Variants in OXSR1 observed in about 807,000 individuals in gnomAD.
The protein encoded by OXSR1 is serine/threonine-protein kinase OSR1.
In OXSR1, 24 loss-of-function variants were observed where a neutral mutation model predicts 79.8. The ratio of observed to expected loss-of-function variants is 0.30; its 90% CI spans 0.22 to 0.42. OXSR1 has a LOEUF of 0.42. Ranked by LOEUF, OXSR1 falls within the 10% of genes least tolerant of loss-of-function variation. The probability of loss-of-function intolerance (pLI) is 1.00; values close to 1 mark genes in which losing one functional copy is unlikely to be tolerated. For synonymous variants in OXSR1, 226 were observed against 209.2 expected (o/e 1.08, Z -0.69); for missense variants, 430 against 618.4 (o/e 0.70, Z 3.23).
intron 15 of OXSR1, 198 bp downstream of exon 15, chr3:38,250,216 A>G (rs1703227761): frequency 9.2e-6 from 5 of 544,680 alleles, no homozygotes; most frequent in South Asian, 8.8e-5. Flanking sequence ...GTATAATAAT[A>G]CAAACAGTAA....
intron 8 of OXSR1, among the ~76,000 whole-genome samples, chr3:38,227,089 T>C (rs564929410): frequency 6.1e-4 from 93 of 152,214 alleles, no homozygotes; most frequent in Non-Finnish European, 1.0e-3. Flanking sequence ...AGAAAATCTA[T>C]TCCAGTTTGT....
chr3:38,195,842 A>G (rs527432663), intron 3 of OXSR1, among the ~76,000 whole-genome samples: 1 of 152,262 alleles, frequency 6.6e-6, no homozygotes, highest in Admixed American at 6.5e-5. Context: ...CTGACAGGGG[A>G]TTATTTTTTG....
chr3:38,240,899 C>T (rs887696339), intron 11 of OXSR1, among the ~76,000 whole-genome samples: 7 of 152,064 alleles, frequency 4.6e-5, no homozygotes, highest in African/African-American at 1.7e-4. Context: ...TTCTTCATTG[C>T]GGTAGGCTAC....
In OXSR1 at chr3:38,227,860, G is replaced by A. The variant is rs543736905; in HGVS notation, c.837-1827G>A. Among the ~76,000 whole-genome samples, 4 of 152,270 alleles carry A rather than the reference G, an allele frequency of 2.6e-5. No homozygotes were observed. In the East Asian group the frequency reaches 7.7e-4, roughly 29 times the overall value. ...CTACTGAGGATTAGCAGGTAGACTT[G>A]ACAGCTACTTCCCCAATAACACAAC... On this transcript the variant is annotated intron_variant, in intron 8 of 17. Transcript: ENST00000311806.
intron 2 of OXSR1, among the ~76,000 whole-genome samples, 170 bp downstream of exon 2, chr3:38,183,285 A>C (rs1010689991): frequency 1.3e-5 from 2 of 152,238 alleles, no homozygotes; most frequent in African/African-American, 4.8e-5. Context: ...GTAGAAAAAA[A>C]TTAGTTATAA....
At chr3:38,217,673 G>A (rs996709816) in intron 5 of OXSR1, among the ~76,000 whole-genome samples, 20 of 151,960 alleles carry the variant, frequency 1.3e-4, no homozygotes, top group African/African-American at 4.6e-4. Flanking sequence ...GATTACAGGC[G>A]TGCACCCCTC....
intron 4 of OXSR1, among the ~76,000 whole-genome samples, chr3:38,205,529 A>C (rs1266441938): frequency 1.3e-5 from 2 of 152,126 alleles, no homozygotes; most frequent in Admixed American, 1.3e-4. Context: ...CTTTGTCTCC[A>C]CTGTGTACCT....
At chr3:38,191,729 A>G (rs1000259975) in intron 3 of OXSR1, among the ~76,000 whole-genome samples, 8 of 146,460 alleles carry the variant, frequency 5.5e-5, no homozygotes, top group Non-Finnish European at 9.0e-5. Context: ...AAAAGGTAAC[A>G]TTTCCCCCTT....
intron 4 of OXSR1, among the ~76,000 whole-genome samples, chr3:38,208,959 A>AGTGTGTGTGTGTGT (rs144109114): frequency 6.8e-6 from 1 of 146,876 alleles, no homozygotes; most frequent in African/African-American, 2.6e-5. Flanking sequence ...CCAGTTAAGG[A>AGTGTGTGTGTGTGT]GTGTGTGTGT....
intron 4 of OXSR1, among the ~76,000 whole-genome samples, chr3:38,199,163 A>G (rs938117408): frequency 2.6e-5 from 4 of 152,176 alleles, no homozygotes; most frequent in Admixed American, 6.5e-5. Flanking sequence ...ACAATACTGT[A>G]TATGTAATTT....
chr3:38,212,118 A>G (rs1430514515), intron 4 of OXSR1, among the ~76,000 whole-genome samples: 25 of 151,798 alleles, frequency 1.6e-4, no homozygotes, highest in Non-Finnish European at 1.5e-5. Context: ...GGGACTTTTA[A>G]AAGTTCCCTG....
At chr3:38,237,636 C>T (rs1050788499) in intron 11 of OXSR1, among the ~76,000 whole-genome samples, 2 of 152,154 alleles carry the variant, frequency 1.3e-5, no homozygotes, top group African/African-American at 4.8e-5. Flanking sequence ...ACTTAAGACT[C>T]TCTTGATAAA....
intron 4 of OXSR1, among the ~76,000 whole-genome samples, chr3:38,214,551 G>A (rs1014164099): frequency 6.6e-5 from 10 of 152,148 alleles, no homozygotes; most frequent in Admixed American, 3.9e-4. Flanking sequence ...GAAGTTAGTG[G>A]TTGACTCAGT....
chr3:38,199,101 A>G (rs758531890), intron 4 of OXSR1, among the ~76,000 whole-genome samples: 3 of 152,238 alleles, frequency 2.0e-5, no homozygotes, highest in African/African-American at 4.8e-5. Context: ...ACTTGATAAC[A>G]TTTTGGAATA....
At chr3:38,223,000 T>G (rs554656345) in intron 6 of OXSR1, among the ~76,000 whole-genome samples, 2 of 152,360 alleles carry the variant, frequency 1.3e-5, no homozygotes, top group East Asian at 3.9e-4. Flanking sequence ...AACAGTTTCT[T>G]CACTGTTGGT....
rs1209897878 is a variant in OXSR1, at chr3:38,165,548, G to A, written c.-329G>A. Reference sequence around the variant, plus strand: ...AGAGGGGAAAGTTTGGCCCGTGCGTGGGGCTGGGGTGGAGGGCGGGACAGA... The same window carrying A: ...AGAGGGGAAAGTTTGGCCCGTGCGTAGGGCTGGGGTGGAGGGCGGGACAGA... On this transcript the variant is annotated 5_prime_UTR_variant, in exon 1 of 18. Transcript: ENST00000311806. 5 of 331,936 alleles carry A rather than the reference G, an allele frequency of 1.5e-5. 1 individual carries two copies. Among genetic ancestry groups the A allele is most frequent in the South Asian group, 1.0e-4 (2 of 20,004 alleles). The allele number at this position is 331,936 out of a possible 1,614,324, so 20.6% of individuals were successfully genotyped here. A position where few individuals can be genotyped will look rare whatever the true frequency, so the allele number is the denominator to read the frequency against.
At chr3:38,234,345 C>CAT (rs1273403802) in intron 10 of OXSR1, among the ~76,000 whole-genome samples, 1 of 152,000 alleles carries the variant, frequency 6.6e-6, no homozygotes, top group Non-Finnish European at 1.5e-5. Flanking sequence ...ATTTGCAAAT[C>CAT]ATATATATGA....
intron 1 of OXSR1, among the ~76,000 whole-genome samples, chr3:38,178,610 A>G (rs759765761): frequency 1.0e-3 from 81 of 80,574 alleles, no homozygotes; most frequent in Non-Finnish European, 9.8e-4. Context: ...AGCTATATAT[A>G]TATATATATA....
chr3:38,177,246 G>A (rs1031432755), intron 1 of OXSR1, among the ~76,000 whole-genome samples: 4 of 152,224 alleles, frequency 2.6e-5, no homozygotes, highest in Admixed American at 6.5e-5. Flanking sequence ...GAGTCAGCCA[G>A]TGGCCTCTCA....
Sources: gnomAD v4.1 joint callset for allele counts (sites outside exome capture counted in the v4.1 genomes callset) on GRCh38, gnomAD v4.1.1 for gene constraint, MANE v1.5 for transcripts, NCBI Gene and HGNC (gene_info 2026-07-23, HGNC 2026-07-21) for gene names.